The following OAS1 variants were observed in gnomAD, a reference collection of about 807,000 sequenced individuals.
The protein encoded by OAS1 is 2'-5'-oligoadenylate synthase 1.
Under a neutral mutation model 38.5 loss-of-function variants are expected in OAS1, and 24 were observed. The observed-to-expected ratio is 0.62, with a 90% CI of 0.45 to 0.88. OAS1 has a LOEUF of 0.88. OAS1 is among the 40% of genes least tolerant of loss of function. The pLI is 0.00. For synonymous variants in OAS1, 169 were observed against 193.9 expected (o/e 0.87, Z 1.07); for missense variants, 482 against 493.9 (o/e 0.98, Z 0.23).
chr12:112,913,076 G>A (rs543452198), intron 3 of OAS1, among the ~76,000 whole-genome samples: 4 of 152,200 alleles, frequency 2.6e-5, no homozygotes, highest in African/African-American at 7.2e-5. Flanking sequence ...TGGTCTATTG[G>A]TAGTAAACTC....
intron 5 of OAS1, chr12:112,919,063 C>G: frequency 3.2e-6 from 1 of 315,826 alleles, no homozygotes; most frequent in Admixed American, 4.5e-5. Context: ...CAAGGACAGC[C>G]CTGGAGCTGG....
chr12:112,911,773 T>C (rs997156438), intron 3 of OAS1, among the ~76,000 whole-genome samples: 1 of 152,218 alleles, frequency 6.6e-6, no homozygotes, highest in African/African-American at 2.4e-5. Context: ...TAGTTGGTCC[T>C]GATAAATGTA....
chr12:112,911,884 C>A (rs543723652), intron 3 of OAS1, among the ~76,000 whole-genome samples: 1 of 152,310 alleles, frequency 6.6e-6, no homozygotes, highest in East Asian at 1.9e-4. Context: ...TTTCTGTTCA[C>A]TTTTAAATGC....
chr12:112,928,135 T>C (rs1282924265), intron 6 of OAS1, among the ~76,000 whole-genome samples: 1 of 152,224 alleles, frequency 6.6e-6, no homozygotes, highest in African/African-American at 2.4e-5. Context: ...ACTCAGCTAA[T>C]AGGTAGTCCT....
intron 3 of OAS1, among the ~76,000 whole-genome samples, chr12:112,914,368 AT>A (rs2043425452): frequency 6.6e-6 from 1 of 152,094 alleles, no homozygotes; most frequent in Non-Finnish European, 1.5e-5. Flanking sequence ...CTGGTTCCAT[AT>A]TTTTGCAATT....
intron 6 of OAS1, among the ~76,000 whole-genome samples, chr12:112,926,869 C>G (rs1011049556): frequency 7.2e-5 from 11 of 152,132 alleles, no homozygotes; most frequent in African/African-American, 2.7e-4. Context: ...GCAGACACCC[C>G]CAGAGCGGCC....
chr12:112,919,961 A>G (rs2043519052), downstream of OAS1: 1 of 438,646 alleles, frequency 2.3e-6, no homozygotes, highest in African/African-American at 2.0e-5. Context: ...ATGCATATCT[A>G]GGGGTATTGT....
intron 5 of OAS1, chr12:112,918,851 G>A (rs779225975): frequency 7.2e-6 from 2 of 279,092 alleles, no homozygotes; most frequent in Non-Finnish European, 1.5e-5. Flanking sequence ...GCAGGAATCT[G>A]TCTGATTCCA....
At chr12:112,918,801 CAG>C in intron 5 of OAS1, 1 of 325,508 alleles carries the variant, frequency 3.1e-6, no homozygotes, top group Non-Finnish European at 6.3e-6. Context: ...CACAGCTAAA[CAG>C]GGGCAAAGGA....
intron 6 of OAS1, among the ~76,000 whole-genome samples, chr12:112,926,136 C>T (rs2043556647): frequency 1.3e-5 from 2 of 152,196 alleles, no homozygotes; most frequent in South Asian, 4.1e-4. Flanking sequence ...TATTAGAGGG[C>T]CAATAAATCT....
chr12:112,931,913 C>T, exon 7 of OAS1: 2 of 701,928 alleles, frequency 2.8e-6, no homozygotes, highest in Non-Finnish European at 5.2e-6. Context: ...GGAACTATAC[C>T]AATAATTAGT....
At chr12:112,912,348 A>G (rs1400820276) in intron 3 of OAS1, among the ~76,000 whole-genome samples, 1 of 152,170 alleles carries the variant, frequency 6.6e-6, no homozygotes, top group Non-Finnish European at 1.5e-5. Context: ...TCAAACAAAC[A>G]AACAAACAAA....
At chr12:112,915,885 T>C (rs550637032) in intron 3 of OAS1, among the ~76,000 whole-genome samples, 8 of 152,364 alleles carry the variant, frequency 5.3e-5, no homozygotes, top group Non-Finnish European at 7.3e-5. Context: ...TGTAGGTTTA[T>C]TACTATTTCT....
intron 3 of OAS1, among the ~76,000 whole-genome samples, chr12:112,913,560 G>A (rs1049428354): frequency 4.0e-5 from 6 of 151,652 alleles, no homozygotes; most frequent in African/African-American, 1.5e-4. Flanking sequence ...ATTTTTCCAT[G>A]CTTTATTCTG....
chr12:112,930,947 T>C (rs2043593242), intron 6 of OAS1, among the ~76,000 whole-genome samples: 1 of 152,220 alleles, frequency 6.6e-6, no homozygotes, highest in Non-Finnish European at 1.5e-5. Flanking sequence ...TCAACATTTC[T>C]GGATATACTG....
chr12:112,925,649 G>C (rs558285519), intron 6 of OAS1, among the ~76,000 whole-genome samples: 2 of 152,076 alleles, frequency 1.3e-5, no homozygotes, highest in East Asian at 3.9e-4. Flanking sequence ...AGCCAGGTGT[G>C]GTGGCTCATG....
At chr12:112,909,284 CA>C (rs1204089095) in intron 2 of OAS1, among the ~76,000 whole-genome samples, 8 of 152,148 alleles carry the variant, frequency 5.3e-5, no homozygotes, top group African/African-American at 1.9e-4. Context: ...TTGGTAAAAC[CA>C]CACTACCTGT....
chr12:112,919,323 T>C, intron 5 of OAS1, 66 bp from the exon 6 acceptor site: 1 of 1,426,922 alleles, frequency 7.0e-7, no homozygotes, highest in Admixed American at 1.8e-5. Context: ...CTACCGTAAA[T>C]GCTCACTGAA....
Position 112,917,641 on chromosome 12 carries a change from C to A in OAS1, c.979C>A (p.Leu327Met). Residue 327 changes from leucine (L) to methionine (M), a missense_variant, in exon 5 of 6, where the codon CTG becomes ATG. Coordinates refer to ENST00000202917, the MANE Select transcript of OAS1 (RefSeq NM_016816.4). The part of the protein sequence containing the change: ...RQLAQEAEAW[L>M]NYPCFKNWDG... ...GCTGGCACAAGAGGCTGAGGCCTGG[C>A]TGAATTACCCATGCTTTAAGAATTG... 1 of 1,614,196 alleles carries A rather than the reference C, an allele frequency of 6.2e-7. No individual in the cohort carries two copies. Among genetic ancestry groups the A allele is most frequent in the Non-Finnish European group, 8.5e-7 (1 of 1,180,036 alleles).
Sources: gnomAD v4.1 joint callset for allele counts (sites outside exome capture counted in the v4.1 genomes callset) on GRCh38, gnomAD v4.1.1 for gene constraint, MANE v1.5 for transcripts, NCBI Gene and HGNC (gene_info 2026-07-23, HGNC 2026-07-21) for gene names.